The following TRHDE variants were observed in gnomAD, a reference collection of about 807,000 sequenced individuals.
TRHDE encodes thyrotropin-releasing hormone-degrading ectoenzyme.
In TRHDE, 72 loss-of-function variants were observed where a neutral mutation model predicts 125.7. That is an observed-to-expected ratio of 0.57 (90% CI 0.47 to 0.70). The LOEUF is 0.70. TRHDE is among the 30% of genes least tolerant of loss of function. The probability of loss-of-function intolerance (pLI) is 0.00; values close to 1 mark genes in which losing one functional copy is unlikely to be tolerated. For synonymous variants in TRHDE, 509 were observed against 509.1 expected, an observed-to-expected ratio of 1.00 and a Z score of 0.00; for missense variants, 1,110 against 1,327.1, an observed-to-expected ratio of 0.84 and a Z score of 2.54.
At chr12:72,638,887 T>C (rs1437024105) in intron 15 of TRHDE, among the ~76,000 whole-genome samples, 1 of 152,178 alleles carries the variant, frequency 6.6e-6, no homozygotes, top group East Asian at 1.9e-4. Context: ...GTTAATCTGA[T>C]GGGCTTCCCT....
At chr12:72,398,819 G>T (rs1872915111) in intron 3 of TRHDE, among the ~76,000 whole-genome samples, 1 of 152,208 alleles carries the variant, frequency 6.6e-6, no homozygotes, top group South Asian at 2.1e-4. Flanking sequence ...TTCCAGAGGT[G>T]CAGATTAAGT....
At chr12:72,656,762 C>A (rs917226536) in intron 17 of TRHDE, among the ~76,000 whole-genome samples, 165 bp from the exon 18 acceptor site, 20 of 152,086 alleles carry the variant, frequency 1.3e-4, no homozygotes, top group African/African-American at 4.8e-4. Context: ...AACTCTTTGT[C>A]CCTCCCTGAC....
chr12:72,484,869 C>G (rs1877330610), intron 5 of TRHDE, among the ~76,000 whole-genome samples: 3 of 151,946 alleles, frequency 2.0e-5, no homozygotes, highest in African/African-American at 7.2e-5. Context: ...TACATTTTGA[C>G]CAAAATAACT....
chr12:72,658,256 G>C (rs1415680913), intron 18 of TRHDE, among the ~76,000 whole-genome samples: 1 of 152,144 alleles, frequency 6.6e-6, no homozygotes, highest in Admixed American at 6.6e-5. Context: ...CAGAAAGAAA[G>C]AACAAGTAAA....
intron 1 of TRHDE, among the ~76,000 whole-genome samples, chr12:72,102,509 T>TA (rs1345536008): frequency 7.9e-5 from 12 of 152,226 alleles, no homozygotes; most frequent in Non-Finnish European, 1.5e-4. Context: ...AGCTTGACGC[T>TA]AACCTTAACC....
chr12:72,203,222 G>C (rs1028841644), intron 2 of TRHDE, among the ~76,000 whole-genome samples: 2 of 152,116 alleles, frequency 1.3e-5, no homozygotes, highest in African/African-American at 4.8e-5. Flanking sequence ...AGCACTTTGG[G>C]AGGCCAAGGC....
intron 15 of TRHDE, among the ~76,000 whole-genome samples, chr12:72,642,456 A>G (rs936469427): frequency 3.3e-5 from 5 of 152,200 alleles, no homozygotes; most frequent in Admixed American, 3.3e-4. Flanking sequence ...TGAGAATGGA[A>G]TAAACTATCA....
intron 3 of TRHDE, among the ~76,000 whole-genome samples, chr12:72,396,045 G>A (rs1425699251): frequency 1.3e-5 from 2 of 151,868 alleles, no homozygotes; most frequent in Admixed American, 1.3e-4. Context: ...TACACTTATA[G>A]AGGCCAATTC....
intron 2 of TRHDE, among the ~76,000 whole-genome samples, chr12:72,294,696 G>T (rs181072974): frequency 4.6e-5 from 7 of 152,214 alleles, no homozygotes; most frequent in Non-Finnish European, 1.0e-4. Context: ...TGCTCACTGG[G>T]GACCCGCCCC....
At chr12:72,179,861 C>A (rs928897389) in intron 2 of TRHDE, among the ~76,000 whole-genome samples, 4 of 152,036 alleles carry the variant, frequency 2.6e-5, no homozygotes, top group African/African-American at 9.7e-5. Flanking sequence ...AGTTAATAAA[C>A]TAAGAAATAT....
At chr12:72,387,449 C>T (rs991616578) in intron 3 of TRHDE, among the ~76,000 whole-genome samples, 3 of 151,884 alleles carry the variant, frequency 2.0e-5, no homozygotes, top group African/African-American at 7.3e-5. Context: ...ATTCGCATTC[C>T]AACCACCATA....
At chr12:72,248,339 A>G (rs1163619672) in intron 2 of TRHDE, among the ~76,000 whole-genome samples, 1 of 146,902 alleles carries the variant, frequency 6.8e-6, no homozygotes, top group Non-Finnish European at 1.5e-5. Context: ...AATTGCTTCA[A>G]CTCGGGAGGC....
At chr12:72,328,409 C>T (rs917037792) in intron 2 of TRHDE, among the ~76,000 whole-genome samples, 2 of 151,630 alleles carry the variant, frequency 1.3e-5, no homozygotes, top group Non-Finnish European at 2.9e-5. Context: ...ACAACATTCA[C>T]ATTTCTATTG....
chr12:72,279,453 A>C (rs931719338), intron 1 of TRHDE, among the ~76,000 whole-genome samples: 2 of 152,046 alleles, frequency 1.3e-5, no homozygotes, highest in African/African-American at 4.8e-5. Context: ...TGCCTTCCAG[A>C]TTTACATTAC....
chr12:72,458,987 C>G (rs1268738833), intron 3 of TRHDE, among the ~76,000 whole-genome samples: 1 of 152,168 alleles, frequency 6.6e-6, no homozygotes, highest in African/African-American at 2.4e-5. Context: ...TAACACAACA[C>G]AAATTTATTA....
intron 2 of TRHDE, among the ~76,000 whole-genome samples, chr12:72,361,668 C>T (rs1434638091): frequency 2.7e-5 from 4 of 149,662 alleles, no homozygotes; most frequent in Admixed American, 6.7e-5. Flanking sequence ...CCCATTAACT[C>T]GTCATTTAGC....
intron 6 of TRHDE, among the ~76,000 whole-genome samples, chr12:72,524,775 CAT>C (rs1445505887): frequency 3.9e-5 from 6 of 152,126 alleles, no homozygotes; most frequent in Non-Finnish European, 7.4e-5. Flanking sequence ...TGTCAGAACA[CAT>C]GAGATGTTCA....
At chr12:72,217,223 T>C (rs1190340289) in intron 2 of TRHDE, among the ~76,000 whole-genome samples, 2 of 152,184 alleles carry the variant, frequency 1.3e-5, no homozygotes, top group African/African-American at 4.8e-5. Flanking sequence ...AAATCAGGCC[T>C]AGTAATGAAC....
chr12:72,110,015 T>C (rs1006277858), intron 2 of TRHDE, among the ~76,000 whole-genome samples: 2 of 152,100 alleles, frequency 1.3e-5, no homozygotes, highest in African/African-American at 4.8e-5. Flanking sequence ...CATCTCTCTG[T>C]TAAAATGCAA....
Sources: gnomAD v4.1 joint callset for allele counts (sites outside exome capture counted in the v4.1 genomes callset) on GRCh38, gnomAD v4.1.1 for gene constraint, MANE v1.5 for transcripts, NCBI Gene and HGNC (gene_info 2026-07-23, HGNC 2026-07-21) for gene names.